The following PLEKHG4 variants were observed in gnomAD, a reference collection of about 807,000 sequenced individuals.
PLEKHG4 encodes puratrophin-1.
Under a neutral mutation model 136.9 loss-of-function variants are expected in PLEKHG4, and 85 were observed. That is an observed-to-expected ratio of 0.62 (90% CI 0.52 to 0.74). PLEKHG4 has a LOEUF of 0.74. PLEKHG4 is among the 30% of genes least tolerant of loss of function. PLEKHG4 has a pLI of 0.00. For missense variants in PLEKHG4, 1,317 were observed against 1,527.8 expected (o/e 0.86, Z 2.30); for synonymous variants, 577 against 646.9 (o/e 0.89, Z 1.64).
At chr16:67,283,217 G>A (rs1936970548) in intron 11 of PLEKHG4, among the ~76,000 whole-genome samples, 1 of 152,074 alleles carries the variant, frequency 6.6e-6, no homozygotes, top group Admixed American at 6.6e-5. Flanking sequence ...GATAGCATGT[G>A]CAAAGGTCCT....
In PLEKHG4 at chr16:67,284,305, C is replaced by T; in HGVS notation, c.1540C>T (p.Gln514Ter). 2 of 1,613,936 alleles carry T rather than the reference C, an allele frequency of 1.2e-6. No homozygotes were observed. Among genetic ancestry groups the T allele is most frequent in the Non-Finnish European group, 1.7e-6 (2 of 1,179,946 alleles). The change falls in exon 12 of 22, where the codon CAG becomes TAG. Residue 514 changes from glutamine to a stop codon, truncating the protein, a stop_gained. Coordinates refer to ENST00000379344, the MANE Select transcript of PLEKHG4 (RefSeq NM_001129729.3). LOFTEE classifies it high-confidence loss of function. This position sits in a 1 kb window ranked among gnomAD's most constrained non-coding sequence, Gnocchi z 4.4. ...EQVRQGEKFL[Q>*]PLTGWEAAEL... ...GGTCAGGCAAGGGGAGAAGTTTCTG[C>T]AGCCGCTGACTGGCTGGGAGGCGGC...
At position 67,284,684 on chromosome 16, in the gene PLEKHG4, C is replaced by T. The variant is rs999670644; in HGVS notation, c.1693-29C>T. ...CCAGCAGGCTTGGCAGGATCTTCCTCTAATGCTTGTCCGGCCCTGGTGTTG... is the reference window on the plus strand; with the variant it reads ...CCAGCAGGCTTGGCAGGATCTTCCTTTAATGCTTGTCCGGCCCTGGTGTTG... On this transcript the variant is annotated intron_variant, in intron 12 of 21. Transcript: ENST00000379344. This position sits in a 1 kb window ranked among gnomAD's most constrained non-coding sequence, Gnocchi z 4.4. 2 of 1,611,318 alleles carry T rather than the reference C, an allele frequency of 1.2e-6. No homozygotes were observed. Among genetic ancestry groups the T allele is most frequent in the Non-Finnish European group, 8.5e-7 (1 of 1,179,272 alleles).
Position 67,288,942 on chromosome 16 carries a change from C to A in PLEKHG4, c.*134C>A. ...CTACATGTGCAACGCTGTTGACTAC[C>A]CTTTCTGATGTGTGTGGCCATTGGA... On this transcript the variant is annotated 3_prime_UTR_variant, in exon 22 of 22. Coordinates refer to ENST00000379344, the MANE Select transcript of PLEKHG4 (RefSeq NM_001129729.3). The A allele has an allele frequency of 1.0e-6, 1 of 1,002,036 alleles. No individual in the cohort carries two copies. Among genetic ancestry groups the A allele is most frequent in the Non-Finnish European group, 1.5e-6 (1 of 645,960 alleles). The allele number at this position is 1,002,036 out of a possible 1,614,324, so 62.1% of individuals were successfully genotyped here.
At position 67,286,475 on chromosome 16, in the gene PLEKHG4, G is replaced by C. The variant is rs754680808; in HGVS notation, c.2563G>C (p.Asp855His). The C allele has an allele frequency of 1.2e-6, 2 of 1,609,170 alleles. No homozygotes were observed. The highest frequency in any genetic ancestry group is 1.7e-6 in the Non-Finnish European group (2 of 1,177,296). Residue 855 changes from aspartate to histidine, a missense_variant, in exon 16 of 22, where the codon GAC (aspartate) becomes CAC (histidine). By Grantham distance (81) the Asp-to-His change is moderately conservative. Transcript: ENST00000379344. ...DKQQALGDHL[D>H]LASYLLKPIQ... ...GCAGCAAGCACTGGGGGACCACCTGGACCTGGCCTCCTACCTGCTAAAGCC... is the reference window on the plus strand; with the variant it reads ...GCAGCAAGCACTGGGGGACCACCTGCACCTGGCCTCCTACCTGCTAAAGCC...
At chr16:67,279,048 C>T (rs1286373765), upstream of PLEKHG4, 1 of 152,220 alleles carries the variant, frequency 6.6e-6, no homozygotes, top group Non-Finnish European at 1.5e-5. Flanking sequence ...CACCCCGCTT[C>T]CCTACACAGA....
At position 67,279,973 on chromosome 16, in the gene PLEKHG4, T is replaced by G. The variant is rs2036134467; in HGVS notation, c.-72T>G. 2.7e-6 allele frequency: 4 copies of G among 1,498,940 alleles called. No homozygotes were observed. The Admixed American group carries it at 7.6e-5, about 29-fold the overall frequency. The allele number at this position is 1,498,940 out of a possible 1,614,324, so 92.9% of individuals were successfully genotyped here. A position where few individuals can be genotyped will look rare whatever the true frequency, so the allele number is the denominator to read the frequency against. On this transcript the variant is annotated 5_prime_UTR_variant, in exon 2 of 22. Transcript: ENST00000379344. ...GCCCACTGAGTCCCACTCGACTGTC[T>G]TCAGCGCGGTTCACACTGAGACCCA...
Position 67,286,988 on chromosome 16 carries a change from C to T in PLEKHG4, c.2926-12C>T, listed in dbSNP as rs145503680. ...CATGCCTTACCAAGCCCCTCTCTCC[C>T]GCTGGCCACAGATGGCAGACCTTGG... On this transcript the variant is annotated splice_polypyrimidine_tract_variant and intron_variant, in intron 17 of 21. Coordinates refer to ENST00000379344, the MANE Select transcript of PLEKHG4 (RefSeq NM_001129729.3). 5.5e-5 allele frequency: 88 copies of T among 1,613,190 alleles called. 1 individual carries two copies. The South Asian group carries it at 5.8e-4, about 11-fold the overall frequency.
At position 67,280,355 on chromosome 16, in the gene PLEKHG4, G is replaced by A; in HGVS notation, c.311G>A (p.Ser104Asn). Reference sequence around the variant, plus strand: ...GGGCCAGGCCCCTCTGGAGTGGAGAGTCTCCTATGCCCCATGTCCTCCCAC... The same window carrying A: ...GGGCCAGGCCCCTCTGGAGTGGAGAATCTCCTATGCCCCATGTCCTCCCAC... ...SEGPGPSGVE[S>N]LLCPMSSHLS... Residue 104 changes from serine to asparagine, a missense_variant, in exon 2 of 22, where the codon AGT (serine) becomes AAT (asparagine). Transcript: ENST00000379344. This position sits in a 1 kb window ranked among gnomAD's most constrained non-coding sequence, Gnocchi z 4.4. 1 of 1,613,606 alleles carries A rather than the reference G, an allele frequency of 6.2e-7. No individual in the cohort carries two copies. The highest frequency in any genetic ancestry group is 8.5e-7 in the Non-Finnish European group (1 of 1,179,924).
At chr16:67,288,091 T>C (rs1008740037) in intron 19 of PLEKHG4, 76 bp from the exon 20 acceptor site, 2 of 1,526,746 alleles carry the variant, frequency 1.3e-6, no homozygotes, top group Admixed American at 3.3e-5. Context: ...CCATTAGTGC[T>C]GGCCCGCACT....
rs781071563 is a variant in PLEKHG4 at position 67,284,498 on chromosome 16, C to T, written c.1692+41C>T. 71 of 1,596,940 alleles carry T rather than the reference C, an allele frequency of 4.4e-5. No homozygotes were observed. In the Middle Eastern group the frequency reaches 7.1e-4, roughly 16 times the overall value. ...CCCAGCTCCAAGTGATCCATGAGGC[C>T]GGAGGGATGGCAGCCCCAGCTTCAG... On this transcript the variant is annotated intron_variant, in intron 12 of 21. Transcript: ENST00000379344. The surrounding 1 kb of genome is among the most constrained non-coding windows in gnomAD (Gnocchi z 4.4).
Position 67,282,922 on chromosome 16 carries a change from G to A in PLEKHG4, c.1509+64G>A, listed in dbSNP as rs538811798. The A allele has an allele frequency of 1.3e-5, 15 of 1,141,044 alleles. No homozygotes were observed. The East Asian group carries it at 3.5e-4, about 27-fold the overall frequency. The allele number at this position is 1,141,044 out of a possible 1,614,324, so 70.7% of individuals were successfully genotyped here. On this transcript the variant is annotated intron_variant, in intron 11 of 21. Transcript: ENST00000379344. ...TGCAATGCCAGGAACTAGGAATGCA[G>A]AACTGTGTGAAAGCAATTCAATCCT...
At chr16:67,278,582 G>A (rs2036070244), upstream of PLEKHG4, 1 of 152,260 alleles carries the variant, frequency 6.6e-6, no homozygotes, top group South Asian at 2.1e-4. Flanking sequence ...ACCCACTTGG[G>A]TAGCTTTCAT....
rs569449891 is a variant in PLEKHG4, at chr16:67,283,939, C to T, written c.1510-336C>T. Among the ~76,000 whole-genome samples the T allele has an allele frequency of 6.6e-5, 10 of 151,532 alleles. No individual in the cohort carries two copies. The East Asian group carries it at 1.2e-3, about 18-fold the overall frequency. The stretch of plus-strand genomic sequence containing the variant: ...AGAGAAGAGTGAGGAGAATCAGGAG[C>T]GTGGGGAGGAGCTGGGGGAGCCCAG... On this transcript the variant is annotated intron_variant, in intron 11 of 21. Transcript: ENST00000379344.
Position 67,288,978 on chromosome 16 carries a change from C to T in PLEKHG4, c.*170C>T, listed in dbSNP as rs1448628160. 23 of 779,470 alleles carry T rather than the reference C, an allele frequency of 3.0e-5. No homozygotes were observed. Among genetic ancestry groups the T allele is most frequent in the Non-Finnish European group, 4.0e-5 (18 of 450,882 alleles). The allele number at this position is 779,470 out of a possible 1,614,324, so 48.3% of individuals were successfully genotyped here. A position where few individuals can be genotyped will look rare whatever the true frequency, so the allele number is the denominator to read the frequency against. ...TGTGTGGCCATTGGACTAACTGGCA[C>T]GGGGCCTCTCTAGGGAAGTCTGGTT... On this transcript the variant is annotated 3_prime_UTR_variant, in exon 22 of 22. Transcript: ENST00000379344.
intron 11 of PLEKHG4, 79 bp downstream of exon 11, chr16:67,282,937 A>AAAGG: frequency 9.7e-7 from 1 of 1,027,308 alleles, no homozygotes; most frequent in Non-Finnish European, 1.5e-6. Flanking sequence ...GTGTGAAAGC[A>AAAGG]ATTCAATCCT....
In PLEKHG4 at chr16:67,286,913, C is replaced by T; in HGVS notation, c.2919C>T (p.Ser973=). The T allele has an allele frequency of 6.2e-7, 1 of 1,613,862 alleles. No individual in the cohort carries two copies. The highest frequency in any genetic ancestry group is 8.5e-7 in the Non-Finnish European group (1 of 1,180,014). Residue 973 remains serine (S), a synonymous_variant, in exon 17 of 22, where the codon TCC becomes TCT. Coordinates refer to ENST00000379344, the MANE Select transcript of PLEKHG4 (RefSeq NM_001129729.3). ...TTGACACATTTGCCTACAAGCGCTC[C>T]TTCAAGGTAGGCCTGCCCACCCCAG... ...TGVDTFAYKR[S]FKMADLGLTE...
In PLEKHG4 at chr16:67,286,438, C is replaced by T; in HGVS notation, c.2533-7C>T. On this transcript the variant is annotated splice_region_variant and splice_polypyrimidine_tract_variant and intron_variant, in intron 15 of 21. Transcript: ENST00000379344. ...AAACCACTCAGTGGCCTCCCATCCG[C>T]CCACAGGACAAGCAGCAAGCACTGG... 6.2e-7 allele frequency: 1 copy of T among 1,612,558 alleles called. No individual in the cohort carries two copies. The highest frequency in any genetic ancestry group is 8.5e-7 in the Non-Finnish European group (1 of 1,178,956).
rs1486004178 is a variant in PLEKHG4, at chr16:67,287,031, G to C, written c.2957G>C (p.Gly986Ala). The change falls in exon 18 of 22, where the codon GGG (glycine) becomes GCG (alanine). Residue 986 changes from glycine (G) to alanine (A), a missense_variant. Physicochemically the swap from Gly to Ala is moderately conservative, Grantham distance 60. Coordinates refer to ENST00000379344, the MANE Select transcript of PLEKHG4 (RefSeq NM_001129729.3). ...MADLGLTECC[G>A]NSNLRFEIWF... ...GACCTTGGTCTCACTGAGTGCTGTG[G>C]GAACAGCAACCTGCGCTTCGAGATC... 1 of 1,613,412 alleles carries C rather than the reference G, an allele frequency of 6.2e-7. No homozygotes were observed. The highest frequency in any genetic ancestry group is 8.5e-7 in the Non-Finnish European group (1 of 1,180,004).
chr16:67,289,376 A>G lies in PLEKHG4; in HGVS notation c.*568A>G. 1 of 513,726 alleles carries G rather than the reference A, an allele frequency of 1.9e-6. No individual in the cohort carries two copies. The highest frequency in any genetic ancestry group is 3.4e-6 in the Non-Finnish European group (1 of 291,020). 31.8% of individuals were successfully genotyped at this position (513,726 alleles called of 1,614,324 possible). A position where few individuals can be genotyped will look rare whatever the true frequency, so the allele number is the denominator to read the frequency against. On this transcript the variant is annotated 3_prime_UTR_variant, in exon 22 of 22. Coordinates refer to ENST00000379344, the MANE Select transcript of PLEKHG4 (RefSeq NM_001129729.3). Reference sequence around the variant, plus strand: ...ACTTTCAATAGAATTGTCTAAAATTATCTTACTGGTTGTTAGGCCTTTGGT... The same window carrying G: ...ACTTTCAATAGAATTGTCTAAAATTGTCTTACTGGTTGTTAGGCCTTTGGT...
Sources: gnomAD v4.1 joint callset for allele counts (sites outside exome capture counted in the v4.1 genomes callset) on GRCh38, gnomAD v4.1.1 for gene constraint, Gnocchi (gnomAD v3.1) non-coding constraint, MANE v1.5 for transcripts, NCBI Gene and HGNC (gene_info 2026-07-23, HGNC 2026-07-21) for gene names.